The following PTPRC variants were observed in gnomAD, a reference collection of about 807,000 sequenced individuals.
The protein encoded by PTPRC is receptor-type tyrosine-protein phosphatase C.
In PTPRC, 44 loss-of-function variants were observed where a neutral mutation model predicts 155.9. That is an observed-to-expected ratio of 0.28 (90% CI 0.22 to 0.36). PTPRC has a LOEUF of 0.36. Ranked by LOEUF, PTPRC falls within the 10% of genes least tolerant of loss-of-function variation. The pLI, the probability that PTPRC is intolerant of heterozygous loss-of-function variation, is 1.00. For missense variants in PTPRC, 1,401 were observed against 1,564.6 expected, an observed-to-expected ratio of 0.90 and a Z score of 1.76; for synonymous variants, 525 against 533.1, an observed-to-expected ratio of 0.98 and a Z score of 0.21.
rs911769631 is a variant in PTPRC, at chr1:198,757,300, T to A, written c.*1119T>A. 3 of 151,888 alleles carry A rather than the reference T, an allele frequency of 2.0e-5. No homozygotes were observed. The highest frequency in any genetic ancestry group is 7.2e-5 in the African/African-American group (3 of 41,436). 9.4% of individuals were successfully genotyped at this position (151,888 alleles called of 1,614,324 possible). ...TGTTTATAATACATTGTGTTATATG[T>A]TCAAATATGAAATGTGTATGCACCT... On this transcript the variant is annotated 3_prime_UTR_variant, in exon 33 of 33. Coordinates refer to ENST00000442510, the MANE Select transcript of PTPRC (RefSeq NM_002838.5).
At chr1:198,660,780 T>A (rs1408883770) in intron 2 of PTPRC, 1 of 152,182 alleles carries the variant, frequency 6.6e-6, no homozygotes, top group Non-Finnish European at 1.5e-5. Flanking sequence ...TTTCATTAGA[T>A]AATCTACCAC....
rs561047695 is a variant in PTPRC, at chr1:198,671,118, TA to T, written c.74-21217del. Among the ~76,000 whole-genome samples the T allele has an allele frequency of 6.4e-3, 939 of 147,280 alleles. 23 individuals carry two copies. Among genetic ancestry groups the T allele is most frequent in the Admixed American group, 0.045 (665 of 14,792 alleles). ...AAAATAATTTAAATTTTTTGAAATG[TA>T]AAAAAAAAAAATTTTTCTAGCCTCC... On this transcript the variant is annotated intron_variant, in intron 2 of 32. Transcript: ENST00000442510.
At chr1:198,751,531 A>ATGTTTTT (rs1275357543) in intron 29 of PTPRC, among the ~76,000 whole-genome samples, 1 of 151,886 alleles carries the variant, frequency 6.6e-6, no homozygotes, top group East Asian at 1.9e-4. Flanking sequence ...GTTGCTTTTT[A>ATGTTTTT]TGTTTTTTGT....
At chr1:198,744,559 T>G (rs1655055193) in intron 26 of PTPRC, among the ~76,000 whole-genome samples, 1 of 151,862 alleles carries the variant, frequency 6.6e-6, no homozygotes, top group Non-Finnish European at 1.5e-5. Context: ...CTGGTTTTGG[T>G]TTGTAAAGGA....
At chr1:198,649,319 T>A (rs1417524462) in intron 2 of PTPRC, among the ~76,000 whole-genome samples, 1 of 151,866 alleles carries the variant, frequency 6.6e-6, no homozygotes, top group Non-Finnish European at 1.5e-5. Flanking sequence ...ATGTTCTTAT[T>A]TTCTGAATTT....
In PTPRC at chr1:198,754,366, G is replaced by T. The variant is rs779568827; in HGVS notation, c.3607G>T (p.Ala1203Ser). Reference sequence around the variant, plus strand: ...AGTGGATATTTTTCAAGTGGTAAAAGCTCTACGCAAAGCTAGGCCAGGCAT... The same window carrying T: ...AGTGGATATTTTTCAAGTGGTAAAATCTCTACGCAAAGCTAGGCCAGGCAT... ...EVVDIFQVVK[A>S]LRKARPGMVS... is the part of the protein sequence containing the mutation. Residue 1203 changes from alanine to serine, a missense_variant, in exon 32 of 33, where the codon GCT becomes TCT. Around this residue, in one of 3 missense-constraint regions of PTPRC, gnomAD observed 400 missense variants for 389.5 expected, o/e 1.03. Coordinates refer to ENST00000442510, the MANE Select transcript of PTPRC (RefSeq NM_002838.5). The T allele has an allele frequency of 1.2e-6, 2 of 1,613,298 alleles. No homozygotes were observed. The highest frequency in any genetic ancestry group is 1.7e-5 in the Admixed American group (1 of 59,888).
chr1:198,688,537 A>G (rs1039128889), intron 2 of PTPRC, among the ~76,000 whole-genome samples: 2 of 152,134 alleles, frequency 1.3e-5, no homozygotes, highest in African/African-American at 4.8e-5. Context: ...TTCCTGTCAA[A>G]ATAGTATTCT....
chr1:198,704,579 G>C lies in PTPRC; in HGVS notation c.685+81G>C. ...CATCTTTCTTTATTCCAAGCTTTCA[G>C]GACCCACTAGTAAGCTAAACTCACT... On this transcript the variant is annotated intron_variant, in intron 8 of 32. Transcript: ENST00000442510. 7.4e-6 allele frequency: 12 copies of C among 1,611,286 alleles called. No individual in the cohort carries two copies. In the South Asian group the frequency reaches 1.1e-4, roughly 15 times the overall value.
At chr1:198,754,451 T>C (rs998177133) in intron 32 of PTPRC, 47 bp downstream of exon 32, 1 of 1,606,464 alleles carries the variant, frequency 6.2e-7, no homozygotes, top group Non-Finnish European at 8.5e-7. Flanking sequence ...AATTTTTTTT[T>C]TCTTTTTGAC....
intron 2 of PTPRC, among the ~76,000 whole-genome samples, chr1:198,663,203 AC>A (rs1292941030): frequency 6.6e-6 from 1 of 152,098 alleles, no homozygotes; most frequent in Non-Finnish European, 1.5e-5. Flanking sequence ...TTAGACCTGA[AC>A]CCTGCTGAGT....
chr1:198,729,149 A>G lies in PTPRC; in HGVS notation c.1842A>G (p.Glu614=). The G allele has an allele frequency of 1.9e-6, 3 of 1,610,906 alleles. No homozygotes were observed. Among genetic ancestry groups the G allele is most frequent in the Non-Finnish European group, 2.5e-6 (3 of 1,178,244 alleles). The change falls in exon 17 of 33, where the codon GAA becomes GAG. Residue 614 remains glutamate (E), a synonymous_variant. Coordinates refer to ENST00000442510, the MANE Select transcript of PTPRC (RefSeq NM_002838.5). ...CCTATTTTCACAGCAATTTAGATGA[A>G]CAGCAGGAGCTTGTTGAAAGGGGTA... ...LHKKRSCNLD[E]QQELVERDDE...
intron 2 of PTPRC, among the ~76,000 whole-genome samples, chr1:198,678,368 A>G (rs1665082802): frequency 6.6e-6 from 1 of 152,216 alleles, no homozygotes; most frequent in Non-Finnish European, 1.5e-5. Context: ...TTATTCAATT[A>G]TAAGCAAACA....
rs1655662914 is a variant in PTPRC, at chr1:198,756,358, G to GTT, written c.*179_*180dup. The GTT allele has an allele frequency of 2.4e-6, 2 of 835,724 alleles. No homozygotes were observed. Among genetic ancestry groups the GTT allele is most frequent in the South Asian group, 3.5e-5 (2 of 56,400 alleles). The allele number at this position is 835,724 out of a possible 1,614,324, so 51.8% of individuals were successfully genotyped here. On this transcript the variant is annotated 3_prime_UTR_variant, in exon 33 of 33. Transcript: ENST00000442510. Reference sequence around the variant, plus strand: ...TATTTAAGATAGTTTTGCCAGAACAGTTTGTACAGACGTATGCTTATTTTA... The same window carrying GTT: ...TATTTAAGATAGTTTTGCCAGAACAGTTTTTGTACAGACGTATGCTTATTTTA...
At chr1:198,696,984 T>A in intron 4 of PTPRC, 75 bp downstream of exon 4, 2 of 1,313,652 alleles carry the variant, frequency 1.5e-6, no homozygotes, top group Non-Finnish European at 2.2e-6. Context: ...CAGTACAACT[T>A]GTCTTTAAAT....
intron 3 of PTPRC, 154 bp downstream of exon 3, chr1:198,692,527 TTC>T: frequency 9.0e-7 from 1 of 1,111,298 alleles, no homozygotes; most frequent in Non-Finnish European, 1.2e-6. Context: ...TTCTTAAACT[TTC>T]TGCTTATACG....
intron 9 of PTPRC, among the ~76,000 whole-genome samples, chr1:198,707,208 A>T (rs1653031326): frequency 6.6e-6 from 1 of 152,218 alleles, no homozygotes; most frequent in South Asian, 2.1e-4. Context: ...CACTAAATAT[A>T]GTTTATCCTG....
chr1:198,679,829 C>T, intron 2 of PTPRC: 2 of 553,144 alleles, frequency 3.6e-6, no homozygotes, highest in Non-Finnish European at 6.5e-6. Context: ...CTGCCGGGAG[C>T]GTCCGGGTCT....
chr1:198,702,637 T>G, intron 6 of PTPRC, 107 bp downstream of exon 6: 1 of 1,486,732 alleles, frequency 6.7e-7, no homozygotes, highest in South Asian at 1.1e-5. Context: ...TTTGTAGGTT[T>G]CCCATTTTAC....
At chr1:198,643,540 G>C (rs981630991) in intron 2 of PTPRC, among the ~76,000 whole-genome samples, 1 of 151,050 alleles carries the variant, frequency 6.6e-6, no homozygotes, top group Non-Finnish European at 1.5e-5. Flanking sequence ...TTTTGTTTTT[G>C]TTTGTTTGTT....
Sources: allele counts gnomAD v4.1 joint callset (sites outside exome capture counted in the v4.1 genomes callset), GRCh38; gene constraint gnomAD v4.1.1; regional missense constraint gnomAD v4.1.1; transcripts MANE v1.5; gene names NCBI Gene and HGNC (gene_info 2026-07-23, HGNC 2026-07-21).